Variants in DLGAP1 observed in about 807,000 individuals in gnomAD.
The protein encoded by DLGAP1 is disks large-associated protein 1.
Under a neutral mutation model 90.8 loss-of-function variants are expected in DLGAP1, and 11 were observed. That is an observed-to-expected ratio of 0.12 (90% CI 0.08 to 0.20). The LOEUF is 0.20. Ranked by LOEUF, DLGAP1 falls within the 10% of genes least tolerant of loss-of-function variation. DLGAP1 has a pLI of 1.00. For missense variants in DLGAP1, 1,050 were observed against 1,333.8 expected (o/e 0.79, Z 3.31); for synonymous variants, 558 against 540.7 (o/e 1.03, Z -0.44).
intron 7 of DLGAP1, among the ~76,000 whole-genome samples, chr18:3,671,718 G>T (rs1163163547): frequency 1.3e-5 from 2 of 152,180 alleles, no homozygotes; most frequent in African/African-American, 4.8e-5. Flanking sequence ...ATGGGAGTAT[G>T]ATCTTTAAGA....
chr18:4,046,056 T>A (rs2075049835), intron 2 of DLGAP1, among the ~76,000 whole-genome samples: 1 of 152,188 alleles, frequency 6.6e-6, no homozygotes, highest in South Asian at 2.1e-4. Context: ...TCAGATTCCA[T>A]AAGAAGCTTC....
chr18:3,631,459 A>G (rs1239004947), intron 7 of DLGAP1, among the ~76,000 whole-genome samples: 1 of 152,170 alleles, frequency 6.6e-6, no homozygotes, highest in Non-Finnish European at 1.5e-5. Flanking sequence ...CTTTTAAAAA[A>G]TATTCTGGAC....
At chr18:3,528,337 C>G (rs766331601) in intron 10 of DLGAP1, among the ~76,000 whole-genome samples, 1 of 152,094 alleles carries the variant, frequency 6.6e-6, no homozygotes, top group African/African-American at 2.4e-5. Flanking sequence ...TCTTCCTTAC[C>G]GCCCCTCTTA....
chr18:4,208,819 A>T (rs2077777778), intron 1 of DLGAP1, among the ~76,000 whole-genome samples: 1 of 151,964 alleles, frequency 6.6e-6, no homozygotes, highest in African/African-American at 2.4e-5. Context: ...GGGTGGAGAG[A>T]GAGAGAATGA....
chr18:4,271,912 C>T (rs1390359235), intron 1 of DLGAP1, among the ~76,000 whole-genome samples: 3 of 152,154 alleles, frequency 2.0e-5, no homozygotes, highest in Admixed American at 6.5e-5. Flanking sequence ...TTTTGATGCA[C>T]ACAATTCATG....
At chr18:3,556,763 G>A (rs539798056) in intron 9 of DLGAP1, among the ~76,000 whole-genome samples, 176 of 152,210 alleles carry the variant, frequency 1.2e-3, no homozygotes, top group Non-Finnish European at 2.0e-3. Context: ...CAATTCATGT[G>A]GATAAATTCC....
chr18:4,414,723 C>CAAA lies in DLGAP1; in HGVS notation c.-267+40280_-267+40282dup, dbSNP rs72124732. 2.3e-3 allele frequency among the ~76,000 whole-genome samples: 335 copies of CAAA among 142,854 alleles called. 3 individuals carry two copies. Among genetic ancestry groups the CAAA allele is most frequent in the East Asian group, 8.4e-3 (41 of 4,910 alleles). 93.7% of individuals were successfully genotyped at this position (142,854 alleles called of 152,430 possible). On this transcript the variant is annotated intron_variant, in intron 1 of 12. Transcript: ENST00000315677. The stretch of plus-strand genomic sequence containing the variant: ...CCTGGGCAACAGAGCAAGACTCTGT[C>CAAA]AAAAAAAAAAAAAGAATCATGATAA...
At chr18:4,409,052 A>T (rs1295509739) in intron 1 of DLGAP1, among the ~76,000 whole-genome samples, 3 of 151,958 alleles carry the variant, frequency 2.0e-5, no homozygotes, top group Admixed American at 2.0e-4. Flanking sequence ...GTCCAGCAAT[A>T]GGTTATTTAA....
intron 4 of DLGAP1, among the ~76,000 whole-genome samples, chr18:3,836,579 C>T (rs1235217384): frequency 6.6e-6 from 1 of 152,112 alleles, no homozygotes; most frequent in Non-Finnish European, 1.5e-5. Flanking sequence ...CTTTTCGACC[C>T]TCCTAGGATG....
At chr18:3,996,584 C>G (rs910813158) in intron 3 of DLGAP1, among the ~76,000 whole-genome samples, 2 of 151,772 alleles carry the variant, frequency 1.3e-5, no homozygotes, top group Non-Finnish European at 2.9e-5. Context: ...TGTAATATTT[C>G]TCATTAATAA....
At chr18:4,260,878 G>A (rs556972467) in intron 1 of DLGAP1, among the ~76,000 whole-genome samples, 2 of 152,138 alleles carry the variant, frequency 1.3e-5, no homozygotes, top group African/African-American at 2.4e-5. Context: ...ATCCAGAAAC[G>A]ATTGGAAAAT....
chr18:3,652,582 A>G (rs999030492), intron 7 of DLGAP1, among the ~76,000 whole-genome samples: 8 of 152,060 alleles, frequency 5.3e-5, no homozygotes, highest in Admixed American at 3.3e-4. Context: ...GCCTCAAGCT[A>G]TTTTCCTGCC....
At chr18:3,812,980 T>C (rs946294737) in intron 5 of DLGAP1, among the ~76,000 whole-genome samples, 2 of 152,176 alleles carry the variant, frequency 1.3e-5, no homozygotes, top group Admixed American at 6.5e-5. Context: ...ATTTTTCAGG[T>C]CCAAATGGAA....
At chr18:4,266,366 G>A (rs2145313698) in intron 1 of DLGAP1, among the ~76,000 whole-genome samples, 1 of 152,254 alleles carries the variant, frequency 6.6e-6, no homozygotes, top group Non-Finnish European at 1.5e-5. Flanking sequence ...AGACTAGAGA[G>A]CACAGAAAAT....
chr18:3,731,120 A>C (rs2062408778), intron 6 of DLGAP1, among the ~76,000 whole-genome samples: 1 of 152,162 alleles, frequency 6.6e-6, no homozygotes, highest in Non-Finnish European at 1.5e-5. Context: ...GCCAAAAATA[A>C]AGCAAATATA....
At chr18:3,633,347 G>C (rs2058589411) in intron 7 of DLGAP1, among the ~76,000 whole-genome samples, 1 of 150,008 alleles carries the variant, frequency 6.7e-6, no homozygotes, top group South Asian at 2.1e-4. Context: ...AGGTTGCAGT[G>C]AGCTGAGATC....
intron 2 of DLGAP1, among the ~76,000 whole-genome samples, chr18:4,130,471 A>C (rs1437398475): frequency 2.0e-5 from 3 of 152,166 alleles, no homozygotes; most frequent in Non-Finnish European, 4.4e-5. Context: ...CCATTTCAAC[A>C]CTTGTAAGTT....
chr18:3,900,971 T>C (rs1479380775), intron 3 of DLGAP1, among the ~76,000 whole-genome samples: 1 of 152,152 alleles, frequency 6.6e-6, no homozygotes, highest in Non-Finnish European at 1.5e-5. Context: ...AATCTGATCA[T>C]GTCCCTTCCC....
intron 9 of DLGAP1, among the ~76,000 whole-genome samples, chr18:3,548,167 G>T (rs1167631680): frequency 6.6e-6 from 1 of 152,142 alleles, no homozygotes; most frequent in African/African-American, 2.4e-5. Flanking sequence ...GAACTAAGTC[G>T]TGATGATGGT....
Sources: allele counts gnomAD v4.1 joint callset (sites outside exome capture counted in the v4.1 genomes callset), GRCh38; gene constraint gnomAD v4.1.1; transcripts MANE v1.5; gene names NCBI Gene and HGNC (gene_info 2026-07-23, HGNC 2026-07-21).